ME3: variants seen among roughly 807,000 people sequenced by gnomAD.
The protein encoded by ME3 is NADP-dependent malic enzyme, mitochondrial.
Under a neutral mutation model 68.9 loss-of-function variants are expected in ME3, and 48 were observed. That is an observed-to-expected ratio of 0.70 (90% confidence interval 0.55 to 0.89). The LOEUF (loss-of-function observed/expected upper bound fraction) is 0.89. Ranked by LOEUF, ME3 falls within the 40% of genes least tolerant of loss-of-function variation. The probability of loss-of-function intolerance (pLI) is 0.00; values close to 1 mark genes in which losing one functional copy is unlikely to be tolerated. For synonymous variants in ME3, 320 were observed against 318.8 expected (o/e 1.00, Z -0.04); for missense variants, 675 against 797.4 (o/e 0.85, Z 1.85).
chr11:86,537,286 T>C (rs1164829376), intron 4 of ME3, among the ~76,000 whole-genome samples: 1 of 149,366 alleles, frequency 6.7e-6, no homozygotes, highest in Admixed American at 6.7e-5. Context: ...TAAAGTATAA[T>C]AAAAAAAAAC....
At chr11:86,457,108 G>A (rs1331405723) in intron 8 of ME3, among the ~76,000 whole-genome samples, 1 of 151,984 alleles carries the variant, frequency 6.6e-6, no homozygotes, top group Non-Finnish European at 1.5e-5. Flanking sequence ...CATCATTTTT[G>A]CCTACTTGTC....
intron 2 of ME3, among the ~76,000 whole-genome samples, chr11:86,654,934 G>A (rs1490543743): frequency 6.6e-6 from 1 of 152,148 alleles, no homozygotes; most frequent in Non-Finnish European, 1.5e-5. Context: ...AAAATCACAA[G>A]CAGTCTTATA....
At chr11:86,452,306 G>A (rs1460222501) in intron 8 of ME3, among the ~76,000 whole-genome samples, 1 of 152,188 alleles carries the variant, frequency 6.6e-6, no homozygotes, top group African/African-American at 2.4e-5. Context: ...AAATCAGTGG[G>A]CAAAGAAGGG....
At chr11:86,614,287 A>G (rs544349043) in intron 2 of ME3, among the ~76,000 whole-genome samples, 2 of 152,214 alleles carry the variant, frequency 1.3e-5, no homozygotes, top group African/African-American at 2.4e-5. Flanking sequence ...TCCAAAGACT[A>G]TTACAACACT....
chr11:86,657,354 AG>A (rs1326173120), intron 2 of ME3, among the ~76,000 whole-genome samples: 1 of 152,052 alleles, frequency 6.6e-6, no homozygotes, highest in Admixed American at 6.6e-5. Context: ...CATTCTCAGC[AG>A]ACTAACACAG....
intron 7 of ME3, 27 bp downstream of exon 7, chr11:86,487,310 T>C (rs1951749507): frequency 5.6e-6 from 9 of 1,595,630 alleles, no homozygotes; most frequent in Admixed American, 1.7e-5. Flanking sequence ...AAGTCCTCTT[T>C]CAAAAGGGAC....
At chr11:86,601,577 G>T (rs1449115098) in intron 2 of ME3, among the ~76,000 whole-genome samples, 2 of 152,048 alleles carry the variant, frequency 1.3e-5, no homozygotes, top group East Asian at 3.9e-4. Context: ...AATAGAAAAA[G>T]AGAGAATCCT....
At chr11:86,487,803 C>T (rs568651885) in intron 6 of ME3, among the ~76,000 whole-genome samples, 4 of 152,334 alleles carry the variant, frequency 2.6e-5, no homozygotes, top group Admixed American at 1.3e-4. Flanking sequence ...TGAGGCCTGA[C>T]GTGCACACTG....
chr11:86,486,435 CA>C (rs1184910295), intron 7 of ME3, among the ~76,000 whole-genome samples: 2 of 152,242 alleles, frequency 1.3e-5, no homozygotes, highest in African/African-American at 4.8e-5. Context: ...GGTCAAATTA[CA>C]GTTTGCCCAC....
chr11:86,555,814 A>AG (rs750972271), intron 4 of ME3, among the ~76,000 whole-genome samples: 4 of 152,254 alleles, frequency 2.6e-5, no homozygotes, highest in Non-Finnish European at 5.9e-5. Flanking sequence ...TAAATTACAT[A>AG]TCTGTGCACA....
chr11:86,450,005 G>A lies in ME3; in HGVS notation c.1018-3C>T, dbSNP rs769804125. ...AGGTGGGCAATGCCCATAGCTGCCTGGAAGGTACCATAGGGTAGATGTTCA... is the reference window on the plus strand; with the variant it reads ...AGGTGGGCAATGCCCATAGCTGCCTAGAAGGTACCATAGGGTAGATGTTCA... On this transcript the variant is annotated splice_region_variant and splice_polypyrimidine_tract_variant and intron_variant, in intron 9 of 14. Transcript: ENST00000543262. 3.7e-6 allele frequency: 6 copies of A among 1,604,046 alleles called. No individual in the cohort carries two copies. The African/African-American group carries it at 8.0e-5, about 22-fold the overall frequency.
At chr11:86,646,607 A>C (rs959068449) in intron 2 of ME3, among the ~76,000 whole-genome samples, 4 of 152,246 alleles carry the variant, frequency 2.6e-5, no homozygotes, top group Admixed American at 1.3e-4. Flanking sequence ...AGGAGAATGG[A>C]ACCAAGTTGG....
At chr11:86,604,728 A>G (rs890528304) in intron 2 of ME3, among the ~76,000 whole-genome samples, 1 of 152,186 alleles carries the variant, frequency 6.6e-6, no homozygotes, top group Admixed American at 6.6e-5. Context: ...AGTGTGAGTA[A>G]TTTGGGAGGC....
chr11:86,524,051 T>C (rs577991204), intron 4 of ME3, among the ~76,000 whole-genome samples: 1 of 152,324 alleles, frequency 6.6e-6, no homozygotes, highest in African/African-American at 2.4e-5. Flanking sequence ...AATCAGAGGC[T>C]TTAGGCCCCT....
rs147999592 is a variant in ME3, at chr11:86,576,520, A to G, written c.184-16697T>C. 3.1e-3 allele frequency among the ~76,000 whole-genome samples: 475 copies of G among 152,312 alleles called. 1 individual carries two copies. Among genetic ancestry groups the G allele is most frequent in the South Asian group, 6.0e-3 (29 of 4,830 alleles). On this transcript the variant is annotated intron_variant, in intron 2 of 14. Coordinates refer to ENST00000543262, the Ensembl canonical transcript of ME3. ...GGGGCTCAGGAGGACCACTTCTTCC[A>G]TGTGCTGCCTGCCTGAGCAAGCTCA...
In ME3 at chr11:86,520,581, C is replaced by T. The variant is rs549689736; in HGVS notation, c.468-11714G>A. 2.0e-5 allele frequency among the ~76,000 whole-genome samples: 3 copies of T among 152,108 alleles called. No individual in the cohort carries two copies. The East Asian group carries it at 5.8e-4, about 29-fold the overall frequency. On this transcript the variant is annotated intron_variant, in intron 4 of 14. Coordinates refer to ENST00000543262, the Ensembl canonical transcript of ME3. ...GTGCTAGAGAGCTGCAGAGCTGGGC[C>T]TGGAGTCCCTTCTAGGGCCCCTTGG...
intron 2 of ME3, among the ~76,000 whole-genome samples, chr11:86,632,361 G>A (rs1310430212): frequency 1.3e-5 from 2 of 152,136 alleles, no homozygotes; most frequent in East Asian, 3.9e-4. Flanking sequence ...CAAGGGGGGT[G>A]GGGTAGAGCA....
chr11:86,603,725 G>C (rs946504006), intron 2 of ME3, among the ~76,000 whole-genome samples: 2 of 151,932 alleles, frequency 1.3e-5, no homozygotes, highest in African/African-American at 4.8e-5. Flanking sequence ...ACTAGATTAA[G>C]AAAATGTGGC....
intron 6 of ME3, among the ~76,000 whole-genome samples, chr11:86,495,971 C>G (rs889678208): frequency 6.6e-6 from 1 of 152,206 alleles, no homozygotes; most frequent in South Asian, 2.1e-4. Context: ...CTTGCTCTCC[C>G]TCATCTCATT....
Sources: allele counts gnomAD v4.1 joint callset (sites outside exome capture counted in the v4.1 genomes callset), GRCh38; gene constraint gnomAD v4.1.1; transcripts MANE v1.5; gene names NCBI Gene and HGNC (gene_info 2026-07-23, HGNC 2026-07-21).